C6: variants seen among roughly 807,000 people sequenced by gnomAD.
The protein encoded by C6 is complement component C6.
C6 carries 101 observed loss-of-function variants against 112.9 expected under a neutral mutation model. That is an observed-to-expected ratio of 0.89 (90% CI 0.76 to 1.06). C6 has a LOEUF of 1.06. Ranked by LOEUF, C6 falls within the 50% of genes least tolerant of loss-of-function variation. C6 has a pLI of 0.00. For synonymous variants in C6, 431 were observed against 384.1 expected, an observed-to-expected ratio of 1.12 and a Z score of -1.43; for missense variants, 1,202 against 1,104.6, an observed-to-expected ratio of 1.09 and a Z score of -1.25.
Position 41,208,190 on chromosome 5 carries a change from A to C in C6, c.-20-4940T>G, listed in dbSNP as rs946868082. 3.3e-5 allele frequency among the ~76,000 whole-genome samples: 5 copies of C among 152,360 alleles called. No homozygotes were observed. The South Asian group carries it at 6.2e-4, about 19-fold the overall frequency. On this transcript the variant is annotated intron_variant, in intron 1 of 17. Coordinates refer to ENST00000337836, the MANE Select transcript of C6 (RefSeq NM_000065.5). ...AAACCAATGAGAACAAAGACATAACATACCAGAATCTCTGGGACACATTTA... is the reference window on the plus strand; with the variant it reads ...AAACCAATGAGAACAAAGACATAACCTACCAGAATCTCTGGGACACATTTA...
At position 41,159,405 on chromosome 5, in the gene C6, T is replaced by A. The variant is rs984303937; in HGVS notation, c.1685-152A>T. 6 of 1,441,686 alleles carry A rather than the reference T, an allele frequency of 4.2e-6. No homozygotes were observed. In the African/African-American group the frequency reaches 5.7e-5, roughly 14 times the overall value. 89.3% of individuals were successfully genotyped at this position (1,441,686 alleles called of 1,614,324 possible). A position where few individuals can be genotyped will look rare whatever the true frequency, so the allele number is the denominator to read the frequency against. ...TCTAAGGATTAAAAGAAATTACCTGTGCAAGGGGCCTGACACATTGCCTGA... is the reference window on the plus strand; with the variant it reads ...TCTAAGGATTAAAAGAAATTACCTGAGCAAGGGGCCTGACACATTGCCTGA... On this transcript the variant is annotated intron_variant, in intron 11 of 17. Transcript: ENST00000337836.
At chr5:41,148,876 G>A (rs1746101535) in intron 17 of C6, among the ~76,000 whole-genome samples, 1 of 152,188 alleles carries the variant, frequency 6.6e-6, no homozygotes, top group Admixed American at 6.5e-5. Context: ...ATTGGCCTCA[G>A]ACAGTCCCAA....
At chr5:41,187,946 A>G (rs1284492368) in intron 5 of C6, among the ~76,000 whole-genome samples, 2 of 152,164 alleles carry the variant, frequency 1.3e-5, no homozygotes, top group Non-Finnish European at 2.9e-5. Flanking sequence ...CAGAAACAAA[A>G]TCAACAAACA....
Position 41,159,149 on chromosome 5 carries a change from C to T in C6, c.1789G>A (p.Gly597Arg). 2.5e-6 allele frequency: 4 copies of T among 1,613,698 alleles called. No individual in the cohort carries two copies. Among genetic ancestry groups the T allele is most frequent in the Non-Finnish European group, 3.4e-6 (4 of 1,179,758 alleles). ...RECNNPAPQRGGKRCEGEKRQ... is the reference protein window; with the variant it reads ...RECNNPAPQRRGKRCEGEKRQ... ...TTCTCCCCCTCACAGCGTTTCCCTC[C>T]TCGTTGGGGGGCAGGATTATTGCAT... The change falls in exon 12 of 18, where the codon GGA (glycine) becomes AGA (arginine). Residue 597 changes from glycine (G) to arginine (R), a missense_variant. Physicochemically the swap from Gly to Arg is moderately radical, Grantham distance 125 (BLOSUM62 -2). Coordinates refer to ENST00000337836, the MANE Select transcript of C6 (RefSeq NM_000065.5).
intron 1 of C6, among the ~76,000 whole-genome samples, chr5:41,234,606 T>C (rs1437546654): frequency 6.6e-6 from 1 of 152,158 alleles, no homozygotes; most frequent in Non-Finnish European, 1.5e-5. Flanking sequence ...TCCAATTTTA[T>C]AAATGATTAC....
chr5:41,256,560 T>C (rs922830757), intron 1 of C6, among the ~76,000 whole-genome samples: 16 of 151,792 alleles, frequency 1.1e-4, no homozygotes, highest in Non-Finnish European at 2.1e-4. Context: ...AGGGCCCCAC[T>C]GCTGAGAGAA....
At chr5:41,250,373 G>T (rs984127064) in intron 1 of C6, among the ~76,000 whole-genome samples, 7 of 152,136 alleles carry the variant, frequency 4.6e-5, no homozygotes, top group African/African-American at 1.7e-4. Context: ...TAGAGCTGTT[G>T]TCTACCTGTG....
At chr5:41,180,004 A>G (rs1749192396) in intron 7 of C6, among the ~76,000 whole-genome samples, 1 of 152,144 alleles carries the variant, frequency 6.6e-6, no homozygotes, top group Non-Finnish European at 1.5e-5. Flanking sequence ...TGTTCGTTGA[A>G]TTAAAAATGC....
intron 5 of C6, among the ~76,000 whole-genome samples, chr5:41,189,750 A>G (rs1356293611): frequency 1.3e-5 from 2 of 151,992 alleles, no homozygotes; most frequent in Admixed American, 6.6e-5. Flanking sequence ...ACCTTTAACC[A>G]ATCTCTTCCT....
chr5:41,238,354 C>G (rs1343293469), intron 1 of C6, among the ~76,000 whole-genome samples: 5 of 151,544 alleles, frequency 3.3e-5, no homozygotes, highest in Non-Finnish European at 7.4e-5. Flanking sequence ...GTAACCAAAA[C>G]AGCATGGTAC....
chr5:41,179,346 C>T (rs771346937), intron 7 of C6, among the ~76,000 whole-genome samples: 4 of 152,248 alleles, frequency 2.6e-5, no homozygotes, highest in Non-Finnish European at 5.9e-5. Flanking sequence ...AAATCACATA[C>T]GTGAAGCAAG....
At chr5:41,216,764 C>G (rs952450654), upstream of C6, among the ~76,000 whole-genome samples, 2 of 152,080 alleles carry the variant, frequency 1.3e-5, no homozygotes, top group Admixed American at 1.3e-4. Flanking sequence ...GCATCAGTGG[C>G]TTAGCTGGTC....
In C6 at chr5:41,161,851, T is replaced by C. The variant is rs117445335; in HGVS notation, c.1300A>G (p.Ile434Val). The change falls in exon 10 of 18, where the codon ATA (isoleucine) becomes GTA (valine). Residue 434 changes from isoleucine to valine, a missense_variant. Ile to Val is a conservative substitution (Grantham distance 29). Transcript: ENST00000337836. ...KLSEKHEGSF[I>V]QGAEKSISLI... ...GATATGGATTTCTCTGCTCCCTGTA[T>C]AAATGAACCTGCAAGGTGTTTCAAT... The C allele has an allele frequency of 7.6e-4, 1,231 of 1,613,476 alleles. 15 individuals are homozygous for C. In the East Asian group the frequency reaches 0.024, roughly 31 times the overall value.
At chr5:41,195,093 T>A (rs1258269044) in intron 5 of C6, among the ~76,000 whole-genome samples, 1 of 152,208 alleles carries the variant, frequency 6.6e-6, no homozygotes, top group East Asian at 1.9e-4. Context: ...AAGCTGAGAC[T>A]GGATGGTAAT....
intron 13 of C6, among the ~76,000 whole-genome samples, chr5:41,157,879 G>T (rs139310230): frequency 1.2e-4 from 19 of 152,252 alleles, no homozygotes; most frequent in East Asian, 5.8e-4. Context: ...TTTAAGGTAT[G>T]GTCCTTATGC....
rs1410332439 is a variant in C6, at chr5:41,166,515, A to G, written c.1292-4656T>C. Among the ~76,000 whole-genome samples the G allele has an allele frequency of 2.0e-5, 3 of 152,238 alleles. No homozygotes were observed. The East Asian group carries it at 5.8e-4, about 29-fold the overall frequency. ...AGAGTTCAATAAATGTTAATTACCC[A>G]TTCATTTATTCTTTCAAGCATTCAT... On this transcript the variant is annotated intron_variant, in intron 9 of 17. Transcript: ENST00000337836.
At chr5:41,166,877 C>T (rs1156319674) in intron 9 of C6, among the ~76,000 whole-genome samples, 1 of 152,018 alleles carries the variant, frequency 6.6e-6, no homozygotes, top group East Asian at 1.9e-4. Flanking sequence ...ACATCTTTAG[C>T]ATATTTAACA....
chr5:41,203,201 G>A lies in C6; in HGVS notation c.30C>T (p.Ile10=), dbSNP rs372263718. MARRSVLYF[I]LLNALINKGQ... is the part of the protein sequence containing the mutation. ...CCTTGTTGATCAGAGCATTCAGCAG[G>A]ATGAAGTACAAGACAGAGCGTCTGG... is the stretch of plus-strand genomic sequence containing the variant. The change falls in exon 2 of 18, where the codon ATC becomes ATT. Residue 10 remains isoleucine (I), a synonymous_variant. Transcript: ENST00000337836. The A allele has an allele frequency of 4.3e-6, 7 of 1,613,990 alleles. No individual in the cohort carries two copies. The African/African-American group carries it at 9.3e-5, about 22-fold the overall frequency.
intron 1 of C6, among the ~76,000 whole-genome samples, chr5:41,240,035 A>AT: frequency 6.6e-6 from 1 of 152,076 alleles, no homozygotes; most frequent in Non-Finnish European, 1.5e-5. Flanking sequence ...TTTAGAATTC[A>AT]TTTTTTGTCT....
Sources: gnomAD v4.1 joint callset for allele counts (sites outside exome capture counted in the v4.1 genomes callset) on GRCh38, gnomAD v4.1.1 for gene constraint, MANE v1.5 for transcripts, NCBI Gene and HGNC (gene_info 2026-07-23, HGNC 2026-07-21) for gene names.